Variants in IDO2 observed in about 807,000 individuals in gnomAD.
IDO2 encodes indoleamine 2,3-dioxygenase 2, also known as indoleamine 2,3-dioxygenase-like 1 protein.
In IDO2, 46 loss-of-function variants were observed where a neutral mutation model predicts 45.1. That is an observed-to-expected ratio of 1.02 (90% CI 0.80 to 1.30). The LOEUF (loss-of-function observed/expected upper bound fraction) is 1.30. Ranked by LOEUF, IDO2 falls within the 50% of genes most tolerant of loss-of-function variation. The pLI, the probability that IDO2 is intolerant of heterozygous loss-of-function variation, is 0.00. For synonymous variants in IDO2, 218 were observed against 184.9 expected (o/e 1.18, Z -1.45); for missense variants, 544 against 491.8 (o/e 1.11, Z -1.00).
intron 6 of IDO2, among the ~76,000 whole-genome samples, chr8:39,986,676 A>AGATAGAT (rs1249241419): frequency 8.6e-6 from 1 of 116,620 alleles, no homozygotes; most frequent in African/African-American, 4.0e-5. Flanking sequence ...GCATTGAGAT[A>AGATAGAT]GATAGATAGA....
At chr8:40,004,473 G>T (rs1284987225) in intron 8 of IDO2, among the ~76,000 whole-genome samples, 1 of 152,042 alleles carries the variant, frequency 6.6e-6, no homozygotes, top group African/African-American at 2.4e-5. Flanking sequence ...ATGATAAATA[G>T]ATGTTGTTAT....
chr8:39,936,563 G>T (rs1807554885), intron 1 of IDO2, among the ~76,000 whole-genome samples: 1 of 152,148 alleles, frequency 6.6e-6, no homozygotes, highest in African/African-American at 2.4e-5. Context: ...TCCTCACACT[G>T]TTACCCCCAG....
At chr8:40,014,829 A>G (rs1236078533) in intron 10 of IDO2, among the ~76,000 whole-genome samples, 1 of 152,170 alleles carries the variant, frequency 6.6e-6, no homozygotes, top group Non-Finnish European at 1.5e-5. Flanking sequence ...AACACCAGCA[A>G]CAGTTTCTGG....
intron 2 of IDO2, among the ~76,000 whole-genome samples, chr8:39,951,662 T>G (rs900912622): frequency 5.9e-5 from 9 of 152,198 alleles, no homozygotes; most frequent in African/African-American, 2.2e-4. Flanking sequence ...CAGAAGCCAG[T>G]CTTCTGACCT....
chr8:40,005,444 C>A, intron 9 of IDO2, 66 bp downstream of exon 9: 1 of 1,036,238 alleles, frequency 9.7e-7, no homozygotes, highest in South Asian at 2.3e-5. Flanking sequence ...TATAAGGGGA[C>A]GAAGAGACAG....
At chr8:39,994,154 C>T (rs1423546477) in intron 8 of IDO2, among the ~76,000 whole-genome samples, 3 of 152,026 alleles carry the variant, frequency 2.0e-5, no homozygotes, top group African/African-American at 4.8e-5. Flanking sequence ...AAAATATTTA[C>T]GTTGATTATT....
chr8:40,001,825 T>C (rs867155541), intron 8 of IDO2, among the ~76,000 whole-genome samples: 1 of 152,030 alleles, frequency 6.6e-6, no homozygotes, highest in Non-Finnish European at 1.5e-5. Context: ...CTCATTTTGT[T>C]GTCCAGGCTG....
At chr8:39,967,486 C>T (rs1808105031) in intron 3 of IDO2, among the ~76,000 whole-genome samples, 1 of 149,582 alleles carries the variant, frequency 6.7e-6, no homozygotes, top group Non-Finnish European at 1.5e-5. Flanking sequence ...TATTAAAAGA[C>T]AGTTTCTTTT....
intron 4 of IDO2, 127 bp downstream of exon 4, chr8:39,979,313 A>T (rs1416260855): frequency 1.2e-6 from 1 of 853,776 alleles, no homozygotes; most frequent in Admixed American, 3.0e-5. Flanking sequence ...GATGGGCATC[A>T]GTTTAAGCAA....
chr8:39,980,811 G>A (rs1002756281), intron 4 of IDO2, among the ~76,000 whole-genome samples: 3 of 151,486 alleles, frequency 2.0e-5, no homozygotes, highest in Admixed American at 6.6e-5. Context: ...GTGCAGTGGC[G>A]TGATCTCGGC....
intron 8 of IDO2, among the ~76,000 whole-genome samples, chr8:40,000,922 G>A (rs1408956108): frequency 1.3e-5 from 2 of 152,086 alleles, no homozygotes; most frequent in Admixed American, 6.6e-5. Flanking sequence ...TTTATTGCCA[G>A]TCTGATAGGC....
chr8:39,956,433 C>T (rs972432201), intron 2 of IDO2, among the ~76,000 whole-genome samples: 13 of 152,194 alleles, frequency 8.5e-5, no homozygotes, highest in African/African-American at 2.9e-4. Context: ...CATAGCTCTT[C>T]AGACTACAGA....
At chr8:39,986,569 T>G (rs1808425315) in intron 6 of IDO2, 1 of 152,098 alleles carries the variant, frequency 6.6e-6, no homozygotes, top group African/African-American at 2.4e-5. Context: ...GAGTTAAGGT[T>G]TTAGGTTTTG....
At chr8:39,980,849 A>G (rs1169728399) in intron 4 of IDO2, among the ~76,000 whole-genome samples, 1 of 151,928 alleles carries the variant, frequency 6.6e-6, no homozygotes, top group Non-Finnish European at 1.5e-5. Context: ...TCCTGGGTCC[A>G]AGGGATTCTC....
At chr8:39,956,817 C>T (rs549376410) in intron 2 of IDO2, among the ~76,000 whole-genome samples, 9 of 151,982 alleles carry the variant, frequency 5.9e-5, no homozygotes, top group Non-Finnish European at 8.8e-5. Context: ...GAGGCTGAGG[C>T]GGGTGGATCA....
chr8:39,990,921 G>T (rs1315615623), intron 8 of IDO2, among the ~76,000 whole-genome samples: 1 of 152,202 alleles, frequency 6.6e-6, no homozygotes, highest in African/African-American at 2.4e-5. Context: ...TCTGAAGAAT[G>T]TATGTGTTTA....
chr8:39,986,688 A>AGATAGAT (rs1248993576), intron 6 of IDO2, among the ~76,000 whole-genome samples: 2 of 148,586 alleles, frequency 1.3e-5, no homozygotes, highest in East Asian at 3.9e-4. Flanking sequence ...ATAGATAGAT[A>AGATAGAT]GATAGATAGA....
At chr8:40,008,585 T>C (rs1802257960) in intron 9 of IDO2, among the ~76,000 whole-genome samples, 1 of 152,200 alleles carries the variant, frequency 6.6e-6, no homozygotes, top group South Asian at 2.1e-4. Context: ...ATACTAATAG[T>C]TCTAAGAATT....
intron 3 of IDO2, 36 bp from the exon 4 acceptor site, chr8:39,979,031 T>C: frequency 1.3e-6 from 2 of 1,554,324 alleles, no homozygotes; most frequent in Non-Finnish European, 1.7e-6. Flanking sequence ...CCGGTTCCCA[T>C]CCCTCCTCTG....
Sources: allele counts gnomAD v4.1 joint callset (sites outside exome capture counted in the v4.1 genomes callset), GRCh38; gene constraint gnomAD v4.1.1; transcripts MANE v1.5; gene names NCBI Gene and HGNC (gene_info 2026-07-23, HGNC 2026-07-21).